DMD: variants seen among roughly 807,000 people sequenced by gnomAD.
DMD encodes dystrophin, also known as mutant dystrophin.
DMD carries 63 observed loss-of-function variants against 330.1 expected under a neutral mutation model. That is an observed-to-expected ratio of 0.19 (90% CI 0.16 to 0.24). The LOEUF (loss-of-function observed/expected upper bound fraction) is 0.24, where lower values mean the gene tolerates loss of function less well. Ranked by LOEUF, DMD falls within the 10% of genes least tolerant of loss-of-function variation. The pLI, the probability that DMD is intolerant of heterozygous loss-of-function variation, is 1.00. For missense variants in DMD, 3,344 were observed against 2,684.1 expected (o/e 1.25, Z -5.43); for synonymous variants, 1,223 against 959.8 (o/e 1.27, Z -5.07).
At chrX:32,279,279 C>A (rs1186072856) in intron 43 of DMD, among the ~76,000 whole-genome samples, 3 of 111,152 alleles carry the variant, frequency 2.7e-5, no homozygotes, top group Non-Finnish European at 5.7e-5. Flanking sequence ...AAAAACAGGG[C>A]TACCATATGA....
chrX:31,156,264 T>C (rs2037818695), intron 74 of DMD, among the ~76,000 whole-genome samples: 1 of 111,832 alleles, frequency 8.9e-6, no homozygotes, highest in African/African-American at 3.3e-5. Context: ...CCTACTGAAA[T>C]TTGCTCAGTA....
intron 1 of DMD, among the ~76,000 whole-genome samples, chrX:33,235,938 C>T (rs1281338889): frequency 8.9e-5 from 9 of 101,010 alleles, no homozygotes; most frequent in African/African-American, 2.9e-4. Flanking sequence ...TTTTATGAGA[C>T]GGAATCTGGC....
chrX:33,156,021 A>G (rs144127221), intron 1 of DMD, among the ~76,000 whole-genome samples: 4,291 of 111,695 alleles, frequency 0.038, 84 homozygotes, highest in Middle Eastern at 0.091. Flanking sequence ...TTAATTAAGA[A>G]CCCTGGTAAA....
chrX:31,147,193 C>G (rs1484852), intron 75 of DMD, 82 bp downstream of exon 75: 1 of 1,170,582 alleles, frequency 8.5e-7, no homozygotes, highest in African/African-American at 1.8e-5. Flanking sequence ...GCTTGTTGCA[C>G]CTATAAAAAG....
chrX:33,265,206 C>T (rs532044730), intron 1 of DMD, among the ~76,000 whole-genome samples: 2 of 109,884 alleles, frequency 1.8e-5, no homozygotes, highest in South Asian at 7.8e-4. Flanking sequence ...ATTTAGTGTA[C>T]TCACTGTTTT....
intron 55 of DMD, among the ~76,000 whole-genome samples, chrX:31,547,695 T>C (rs1372226195): frequency 8.9e-6 from 1 of 112,037 alleles, no homozygotes; most frequent in Non-Finnish European, 1.9e-5. Context: ...ATCAGAGAAT[T>C]TTTGGAATTG....
At chrX:31,547,726 T>C (rs938174895) in intron 55 of DMD, among the ~76,000 whole-genome samples, 1 of 112,650 alleles carries the variant, frequency 8.9e-6, no homozygotes, top group Non-Finnish European at 1.9e-5. Flanking sequence ...GTCTTTGTTC[T>C]ATACAGTTTT....
intron 17 of DMD, among the ~76,000 whole-genome samples, chrX:32,522,250 T>C (rs1405873614): frequency 1.8e-5 from 2 of 112,089 alleles, no homozygotes; most frequent in Non-Finnish European, 3.8e-5. Flanking sequence ...CAAATCTGTG[T>C]TGCCATTAAA....
intron 30 of DMD, among the ~76,000 whole-genome samples, chrX:32,403,814 C>T (rs2098101386): frequency 8.9e-6 from 1 of 111,780 alleles, no homozygotes; most frequent in South Asian, 3.7e-4. Context: ...AATATTTGAA[C>T]CCAAATCTCT....
intron 4 of DMD, among the ~76,000 whole-genome samples, chrX:32,831,796 C>CAG (rs761009359): frequency 2.7e-5 from 3 of 109,554 alleles, no homozygotes; most frequent in Non-Finnish European, 3.8e-5. Context: ...TTGTTAGATG[C>CAG]AGAGAGAGAT....
intron 44 of DMD, among the ~76,000 whole-genome samples, chrX:32,190,074 T>A (rs2096966176): frequency 9.1e-6 from 1 of 110,280 alleles, no homozygotes; most frequent in African/African-American, 3.3e-5. Flanking sequence ...CCAAGGGACA[T>A]TTGGAAATGT....
At chrX:31,223,185 G>A (rs183784138) in intron 63 of DMD, 64 bp from the exon 64 acceptor site, 91 of 996,409 alleles carry the variant, frequency 9.1e-5, no homozygotes, top group Middle Eastern at 2.6e-4. Context: ...ACCCACCCCC[G>A]ACGCCCAGTG....
At chrX:31,379,324 G>A (rs893258695) in intron 60 of DMD, among the ~76,000 whole-genome samples, 1 of 110,666 alleles carries the variant, frequency 9.0e-6, no homozygotes, top group Non-Finnish European at 1.9e-5. Flanking sequence ...CTCTTAAAAA[G>A]GTGGCTGGAG....
intron 2 of DMD, among the ~76,000 whole-genome samples, chrX:32,954,711 G>T (rs994041135): frequency 1.8e-5 from 2 of 110,028 alleles, no homozygotes. Context: ...CCCTCCAACA[G>T]GTCCCAATGT....
chrX:32,561,543 T>C (rs1389410080), intron 16 of DMD, among the ~76,000 whole-genome samples: 5 of 111,723 alleles, frequency 4.5e-5, no homozygotes, highest in African/African-American at 1.3e-4. Context: ...TTGGGGAACC[T>C]GAAAGAGACG....
intron 44 of DMD, among the ~76,000 whole-genome samples, chrX:32,208,585 G>A (rs780185290): frequency 9.0e-6 from 1 of 111,626 alleles, no homozygotes; most frequent in African/African-American, 3.3e-5. Context: ...ATAACAGCTG[G>A]AAAAACAACC....
At chrX:32,780,130 T>C (rs991162164) in intron 7 of DMD, among the ~76,000 whole-genome samples, 44 of 111,766 alleles carry the variant, frequency 3.9e-4, no homozygotes, top group African/African-American at 1.4e-3. Flanking sequence ...ATAAAATCCA[T>C]TGAGACAAAA....
At position 32,133,629 on chromosome X, in the gene DMD, A is replaced by G. The variant is rs190055809; in HGVS notation, c.6438+83287T>C. On this transcript the variant is annotated intron_variant, in intron 44 of 78. Coordinates refer to ENST00000357033, the MANE Select transcript of DMD (RefSeq NM_004006.3). ...TATTATTTCAGTTTAGGGCAACTTT[A>G]TCCCTTCCAGTTAATCAGAGCAAAA... is the stretch of plus-strand genomic sequence containing the variant. Among the ~76,000 whole-genome samples the G allele has an allele frequency of 2.7e-5, 3 of 111,251 alleles. No homozygotes were observed. The East Asian group carries it at 8.5e-4, about 31-fold the overall frequency.
At chrX:32,293,074 T>A (rs1219986481) in intron 42 of DMD, among the ~76,000 whole-genome samples, 2 of 112,696 alleles carry the variant, frequency 1.8e-5, no homozygotes, top group East Asian at 5.6e-4. Flanking sequence ...TTATTTCTTT[T>A]GTTTCGCACC....
Sources: gnomAD v4.1 joint callset for allele counts (sites outside exome capture counted in the v4.1 genomes callset) on GRCh38, gnomAD v4.1.1 for gene constraint, MANE v1.5 for transcripts, NCBI Gene and HGNC (gene_info 2026-07-23, HGNC 2026-07-21) for gene names.